Variants in TMEM183A observed in about 807,000 individuals in gnomAD.
The protein encoded by TMEM183A is transmembrane protein 183A, also known as chromosome 1 open reading frame 37.
A neutral mutation model predicts 46.7 loss-of-function variants in TMEM183A; 21 were observed. The ratio of observed to expected loss-of-function variants is 0.45; its 90% CI spans 0.32 to 0.65. TMEM183A has a LOEUF of 0.65. TMEM183A is among the 30% of genes least tolerant of loss of function. The pLI is 0.04. For synonymous variants in TMEM183A, 165 were observed against 180.2 expected, an observed-to-expected ratio of 0.92 and a Z score of 0.68; for missense variants, 331 against 481.9, an observed-to-expected ratio of 0.69 and a Z score of 2.93.
intron 3 of TMEM183A, among the ~76,000 whole-genome samples, chr1:203,011,323 A>G (rs1264124566): frequency 1.3e-5 from 2 of 152,156 alleles, no homozygotes; most frequent in Non-Finnish European, 2.9e-5. Flanking sequence ...GTGGATTGGT[A>G]TCTATCTCCT....
intron 2 of TMEM183A, 119 bp from the exon 3 acceptor site, chr1:203,008,524 C>G: frequency 1.4e-6 from 1 of 691,396 alleles, no homozygotes; most frequent in Non-Finnish European, 1.9e-6. Context: ...TCTCACCTTT[C>G]TCTCTCAACG....
At chr1:203,007,645 AG>A (rs1656084989) in intron 1 of TMEM183A, 71 bp downstream of exon 1, 1 of 1,530,138 alleles carries the variant, frequency 6.5e-7, no homozygotes, top group African/African-American at 1.4e-5. Context: ...GACCGTGCCG[AG>A]GTGAGCGCTC....
intron 3 of TMEM183A, among the ~76,000 whole-genome samples, chr1:203,012,520 C>T (rs574338538): frequency 6.6e-6 from 1 of 152,298 alleles, no homozygotes; most frequent in Non-Finnish European, 1.5e-5. Flanking sequence ...CAAAATTCTT[C>T]ATGTCCTTCA....
intron 2 of TMEM183A, 26 bp downstream of exon 2, chr1:203,007,889 A>T: frequency 6.2e-7 from 1 of 1,613,120 alleles, no homozygotes; most frequent in East Asian, 2.2e-5. Context: ...GCCTTTAAAG[A>T]CTCATGCCGC....
intron 5 of TMEM183A, 31 bp downstream of exon 5, chr1:203,016,171 A>G (rs765682581): frequency 1.1e-5 from 18 of 1,613,622 alleles, no homozygotes; most frequent in South Asian, 3.3e-5. Context: ...GGGTTTGACT[A>G]ATGAACTCTT....
intron 6 of TMEM183A, among the ~76,000 whole-genome samples, chr1:203,019,300 T>G (rs1228311705): frequency 6.6e-6 from 1 of 152,220 alleles, no homozygotes; most frequent in Non-Finnish European, 1.5e-5. Context: ...TAAGAGGAAC[T>G]ATGCTGTATT....
In TMEM183A at chr1:203,008,784, G is replaced by GA; in HGVS notation, c.347dup (p.Lys117GlufsTer32). 1.2e-6 allele frequency: 2 copies of GA among 1,606,704 alleles called. No homozygotes were observed. The highest frequency in any genetic ancestry group is 1.1e-5 in the South Asian group (1 of 89,904). On this transcript the variant is annotated frameshift_variant, in exon 3 of 8. Coordinates refer to ENST00000367242, the MANE Select transcript of TMEM183A (RefSeq NM_138391.6). LOFTEE classifies it high-confidence loss of function. ...AGCATCCATGAGAGAACTGTCTCCAGAAAAAAGAAAAGCAAGAGACACAAA... is the reference window on the plus strand; with the variant it reads ...AGCATCCATGAGAGAACTGTCTCCAGAAAAAAAGAAAAGCAAGAGACACAAA...
At chr1:203,020,981 C>CT in intron 7 of TMEM183A, 33 bp downstream of exon 7, 6 of 1,271,930 alleles carry the variant, frequency 4.7e-6, no homozygotes, top group South Asian at 1.7e-5. Flanking sequence ...ATTCTCAGCT[C>CT]CTTTTTTTTT....
Position 203,023,877 on chromosome 1 carries a change from G to A in TMEM183A, c.*837G>A. ...AGTCTCATTTTTCTTGTGGTAGATGGTGGTAAAAAGGAGTAGGCAGAGTGT... is the reference window on the plus strand; with the variant it reads ...AGTCTCATTTTTCTTGTGGTAGATGATGGTAAAAAGGAGTAGGCAGAGTGT... On this transcript the variant is annotated 3_prime_UTR_variant, in exon 8 of 8. Transcript: ENST00000367242. 6.6e-6 allele frequency: 1 copy of A among 152,122 alleles called. No homozygotes were observed. The highest frequency in any genetic ancestry group is 1.5e-5 in the Non-Finnish European group (1 of 68,034). The allele number at this position is 152,122 out of a possible 1,614,324, so 9.4% of individuals were successfully genotyped here.
rs1007956994 is a variant in TMEM183A at position 203,013,515 on chromosome 1, CTT to C, written c.368-1361_368-1360del. Among the ~76,000 whole-genome samples, 15 of 143,624 alleles carry C rather than the reference CTT, an allele frequency of 1.0e-4. No individual in the cohort carries two copies. The highest frequency in any genetic ancestry group is 7.7e-5 in the Non-Finnish European group (5 of 65,042). 94.2% of individuals were successfully genotyped at this position (143,624 alleles called of 152,430 possible). ...TCTGAAGAAGGAAGAGATAGGGACA[CTT>C]TTTTTTTTTTTTGAGATAGAGTTTC... On this transcript the variant is annotated intron_variant, in intron 3 of 7. Coordinates refer to ENST00000367242, the MANE Select transcript of TMEM183A (RefSeq NM_138391.6). The surrounding 1 kb of genome is among the most constrained non-coding windows in gnomAD (Gnocchi z 4.0).
In TMEM183A at chr1:203,013,580, C is replaced by T. The variant is rs987593789; in HGVS notation, c.368-1309C>T. The stretch of plus-strand genomic sequence containing the variant: ...AGGCTGGAGTGCAGTGGCGCTATCT[C>T]GGCTCACTGCAAGCTCCGCCTCCTG... On this transcript the variant is annotated intron_variant, in intron 3 of 7. Transcript: ENST00000367242. The surrounding 1 kb of genome is among the most constrained non-coding windows in gnomAD (Gnocchi z 4.0). Among the ~76,000 whole-genome samples the T allele has an allele frequency of 2.6e-5, 4 of 151,734 alleles. No homozygotes were observed. The highest frequency in any genetic ancestry group is 2.1e-4 in the South Asian group (1 of 4,826).
chr1:203,012,372 T>A (rs1308045540), intron 3 of TMEM183A, among the ~76,000 whole-genome samples: 1 of 152,200 alleles, frequency 6.6e-6, no homozygotes, highest in Non-Finnish European at 1.5e-5. Flanking sequence ...TCTAAAAGAC[T>A]TTAACAGTAA....
intron 3 of TMEM183A, among the ~76,000 whole-genome samples, chr1:203,009,855 G>A (rs1335869308): frequency 6.6e-6 from 1 of 152,160 alleles, no homozygotes; most frequent in Non-Finnish European, 1.5e-5. Context: ...TAATGGTGAG[G>A]CCAGGCATGG....
intron 6 of TMEM183A, 119 bp from the exon 7 acceptor site, chr1:203,020,674 A>G: frequency 8.0e-7 from 1 of 1,249,122 alleles, no homozygotes; most frequent in Non-Finnish European, 1.1e-6. Flanking sequence ...ATGTATAAAG[A>G]GAGAAGATAA....
chr1:203,020,982 CT>C (rs71142585), intron 7 of TMEM183A, 34 bp downstream of exon 7: 114,240 of 1,199,516 alleles, frequency 0.095, 439 homozygotes, highest in East Asian at 0.24. Flanking sequence ...TTCTCAGCTC[CT>C]TTTTTTTTTT....
rs919968928 is a variant in TMEM183A, at chr1:203,013,808, C to T, written c.368-1081C>T. 4.0e-5 allele frequency among the ~76,000 whole-genome samples: 6 copies of T among 151,734 alleles called. No individual in the cohort carries two copies. The highest frequency in any genetic ancestry group is 2.1e-4 in the South Asian group (1 of 4,808). On this transcript the variant is annotated intron_variant, in intron 3 of 7. Transcript: ENST00000367242. This position sits in a 1 kb window ranked among gnomAD's most constrained non-coding sequence, Gnocchi z 4.0. ...GATTACAGGCGTGAGCCACCGTGCC[C>T]GGCCTAAGTGCCATCTCAGCTCACT...
At chr1:203,017,973 C>T (rs1374126130) in intron 5 of TMEM183A, 1 of 982,074 alleles carries the variant, frequency 1.0e-6, no homozygotes, top group African/African-American at 1.7e-5. Context: ...CACTGAGGGG[C>T]TTATTCTAGA....
intron 3 of TMEM183A, among the ~76,000 whole-genome samples, chr1:203,009,811 G>A (rs943593386): frequency 6.6e-6 from 1 of 152,118 alleles, no homozygotes; most frequent in African/African-American, 2.4e-5. Flanking sequence ...AAGTGGTTCT[G>A]ATGATCAGCT....
At chr1:203,018,645 C>A in intron 6 of TMEM183A, 84 bp downstream of exon 6, 1 of 1,417,680 alleles carries the variant, frequency 7.1e-7, no homozygotes, top group Non-Finnish European at 9.8e-7. Flanking sequence ...GTTTGTGTTG[C>A]TATAACAGTA....
Sources: gnomAD v4.1 joint callset for allele counts (sites outside exome capture counted in the v4.1 genomes callset) on GRCh38, gnomAD v4.1.1 for gene constraint, Gnocchi (gnomAD v3.1) non-coding constraint, MANE v1.5 for transcripts, NCBI Gene and HGNC (gene_info 2026-07-23, HGNC 2026-07-21) for gene names.